LRIG2: variants seen among roughly 807,000 people sequenced by gnomAD.
LRIG2 encodes leucine rich repeats and immunoglobulin like domains 2, also known as leucine-rich repeats and immunoglobulin-like domains protein 2.
A neutral mutation model predicts 107.8 loss-of-function variants in LRIG2; 93 were observed. That is an observed-to-expected ratio of 0.86 (90% CI 0.73 to 1.03). The LOEUF (loss-of-function observed/expected upper bound fraction) is 1.03, where lower values mean the gene tolerates loss of function less well. LRIG2 is among the 50% of genes least tolerant of loss of function. The pLI, the probability that LRIG2 is intolerant of heterozygous loss-of-function variation, is 0.00. For missense variants in LRIG2, 1,226 were observed against 1,296.0 expected (o/e 0.95, Z 0.83); for synonymous variants, 471 against 470.6 (o/e 1.00, Z -0.01).
chr1:113,114,687 C>G lies in LRIG2; in HGVS notation c.2341C>G (p.Leu781Val), dbSNP rs1239169239. The G allele has an allele frequency of 6.2e-7, 1 of 1,613,978 alleles. No homozygotes were observed. The highest frequency in any genetic ancestry group is 1.3e-5 in the African/African-American group (1 of 74,892). ...TLGTERGHIY[L>V]NVISSPNCDS... ...TGGGACAGAACGTGGCCACATTTACCTAAATGTCATTTCATCCCCCAATTG... is the reference window on the plus strand; with the variant it reads ...TGGGACAGAACGTGGCCACATTTACGTAAATGTCATTTCATCCCCCAATTG... Residue 781 changes from leucine (L) to valine (V), a missense_variant, in exon 15 of 18, where the codon CTA (leucine) becomes GTA (valine). Around this residue, in one of 3 missense-constraint regions of LRIG2, gnomAD observed 642 missense variants for 712.2 expected, o/e 0.90. Transcript: ENST00000361127.
chr1:113,108,601 G>A (rs756286450), intron 12 of LRIG2, among the ~76,000 whole-genome samples: 3 of 151,082 alleles, frequency 2.0e-5, no homozygotes, highest in Non-Finnish European at 2.9e-5. Flanking sequence ...TTTAGGCCGG[G>A]CACTGTGGCT....
chr1:113,073,228 C>A lies in LRIG2; in HGVS notation c.-179C>A. 1 of 616,732 alleles carries A rather than the reference C, an allele frequency of 1.6e-6. No individual in the cohort carries two copies. Among genetic ancestry groups the A allele is most frequent in the Non-Finnish European group, 2.9e-6 (1 of 346,626 alleles). The allele number at this position is 616,732 out of a possible 1,614,324, so 38.2% of individuals were successfully genotyped here. ...AGAGGTGTCCGTCAGGCCGTGTGTC[C>A]CAGGCCGTCGACCCCGCTGTCGCGC... On this transcript the variant is annotated 5_prime_UTR_variant, in exon 1 of 18. Coordinates refer to ENST00000361127, the MANE Select transcript of LRIG2 (RefSeq NM_014813.3).
At position 113,073,628 on chromosome 1, in the gene LRIG2, C is replaced by T. The variant is rs1652812895; in HGVS notation, c.222C>T (p.Pro74=). The change falls in exon 1 of 18, where the codon CCC becomes CCT. Residue 74 remains proline, a synonymous_variant. Coordinates refer to ENST00000361127, the MANE Select transcript of LRIG2 (RefSeq NM_014813.3). ...PSWRALSGLL[P]PDTAILDFSH... Reference sequence around the variant, plus strand: ...GGAGGGCGCTGTCGGGCTTGCTGCCCCCCGACACCGCTATCCTGTGAGTAG... The same window carrying T: ...GGAGGGCGCTGTCGGGCTTGCTGCCTCCCGACACCGCTATCCTGTGAGTAG... 1 of 1,612,830 alleles carries T rather than the reference C, an allele frequency of 6.2e-7. No homozygotes were observed. Among genetic ancestry groups the T allele is most frequent in the Non-Finnish European group, 8.5e-7 (1 of 1,179,950 alleles).
Position 113,100,286 on chromosome 1 carries a change from A to G in LRIG2, c.1244+4A>G. 6.3e-7 allele frequency: 1 copy of G among 1,582,820 alleles called. No homozygotes were observed. The highest frequency in any genetic ancestry group is 8.6e-7 in the Non-Finnish European group (1 of 1,157,092). On this transcript the variant is annotated splice_donor_region_variant and intron_variant, in intron 10 of 17. Transcript: ENST00000361127. Reference sequence around the variant, plus strand: ...GTCTTGAATCCCTTGAGCATCTGTAAGTATTTTGCATACATTTTGCTTACT... The same window carrying G: ...GTCTTGAATCCCTTGAGCATCTGTAGGTATTTTGCATACATTTTGCTTACT...
At chr1:113,116,259 T>G (rs755851394) in intron 15 of LRIG2, 28 bp from the exon 16 acceptor site, 1 of 1,591,614 alleles carries the variant, frequency 6.3e-7, no homozygotes, top group Non-Finnish European at 8.6e-7. Flanking sequence ...CTGCCTACCT[T>G]TGAGAGTTAA....
chr1:113,114,940 T>A, intron 15 of LRIG2, 64 bp downstream of exon 15: 3 of 1,328,892 alleles, frequency 2.3e-6, no homozygotes, highest in Non-Finnish European at 3.1e-6. Context: ...ATAGGATTAA[T>A]TGTACAATAT....
In LRIG2 at chr1:113,130,929, C is replaced by G. The variant is rs1382064563; in HGVS notation, c.*6828C>G. ...TATAATGTATTAAAACTCTTTTTTACTCGATTACTTTTATTTTTTTAAGAC... is the reference window on the plus strand; with the variant it reads ...TATAATGTATTAAAACTCTTTTTTAGTCGATTACTTTTATTTTTTTAAGAC... On this transcript the variant is annotated 3_prime_UTR_variant, in exon 18 of 18. Coordinates refer to ENST00000361127, the MANE Select transcript of LRIG2 (RefSeq NM_014813.3). The G allele has an allele frequency of 3.4e-5, 5 of 148,262 alleles. No homozygotes were observed. The Admixed American group carries it at 3.4e-4, about 10-fold the overall frequency. The allele number at this position is 148,262 out of a possible 1,614,324, so 9.2% of individuals were successfully genotyped here.
At chr1:113,095,809 T>G in intron 6 of LRIG2, 65 bp from the exon 7 acceptor site, 1 of 1,564,502 alleles carries the variant, frequency 6.4e-7, no homozygotes, top group Non-Finnish European at 8.8e-7. Context: ...AACTTAAGAT[T>G]TAAAGCTAGT....
intron 1 of LRIG2, among the ~76,000 whole-genome samples, chr1:113,077,599 A>C (rs1218107884): frequency 6.6e-6 from 1 of 152,186 alleles, no homozygotes; most frequent in Non-Finnish European, 1.5e-5. Context: ...TCTTTATAAT[A>C]GTTGTGAACA....
At chr1:113,097,435 AG>A (rs5777147) in intron 8 of LRIG2, among the ~76,000 whole-genome samples, 131,212 of 152,022 alleles carry the variant, frequency 0.86, 59,242 homozygotes, top group Non-Finnish European at 0.98. Context: ...AATTTTGTGA[AG>A]GGTATATACA....
chr1:113,073,520 C>T lies in LRIG2; in HGVS notation c.114C>T (p.Ala38=), dbSNP rs1265417363. ...CCGCTCTCCTCCTGTTGCCCGCCGC[C>T]GGAGCAGGTCTCTGCCCCGCGCCCT... ...AQTALLLLPA[A]GAGLCPAPCS... Residue 38 remains alanine (A), a synonymous_variant, in exon 1 of 18, where the codon GCC becomes GCT. Coordinates refer to ENST00000361127, the MANE Select transcript of LRIG2 (RefSeq NM_014813.3). 3.1e-6 allele frequency: 5 copies of T among 1,614,074 alleles called. No individual in the cohort carries two copies. Among genetic ancestry groups the T allele is most frequent in the South Asian group, 2.2e-5 (2 of 91,092 alleles).
chr1:113,124,063 A>T lies in LRIG2; in HGVS notation c.3160A>T (p.Arg1054Trp), dbSNP rs1483970687. ...ACAGGATCATGCTTTTGATTTTAGTAGGACTCGGAACATTCAAGATGGTAG... is the reference window on the plus strand; with the variant it reads ...ACAGGATCATGCTTTTGATTTTAGTTGGACTCGGAACATTCAAGATGGTAG... ...RLQDHAFDFS[R>W]TRNIQDGSEG... Residue 1054 changes from arginine to tryptophan, a missense_variant, in exon 18 of 18, where the codon AGG becomes TGG. Arg to Trp is a moderately radical substitution (Grantham distance 101). Coordinates refer to ENST00000361127, the MANE Select transcript of LRIG2 (RefSeq NM_014813.3). The T allele has an allele frequency of 6.2e-7, 1 of 1,614,186 alleles. No individual in the cohort carries two copies. The highest frequency in any genetic ancestry group is 1.7e-5 in the Admixed American group (1 of 60,010).
rs1190603541 is a variant in LRIG2 at position 113,125,609 on chromosome 1, AG to A, written c.*1509del. 2.6e-5 allele frequency: 4 copies of A among 152,238 alleles called. No homozygotes were observed. The highest frequency in any genetic ancestry group is 4.8e-5 in the African/African-American group (2 of 41,454). The allele number at this position is 152,238 out of a possible 1,614,324, so 9.4% of individuals were successfully genotyped here. On this transcript the variant is annotated 3_prime_UTR_variant, in exon 18 of 18. Coordinates refer to ENST00000361127, the MANE Select transcript of LRIG2 (RefSeq NM_014813.3). ...GCTGATTTAAAGATTGCAGAACTTG[AG>A]TCAGACTCATAAGCAGTACTGTGAC... is the stretch of plus-strand genomic sequence containing the variant.
At chr1:113,100,916 C>T (rs1271089934) in intron 11 of LRIG2, among the ~76,000 whole-genome samples, 1 of 152,164 alleles carries the variant, frequency 6.6e-6, no homozygotes. Flanking sequence ...GGTTCTCTAA[C>T]CTGTTCAAAC....
chr1:113,098,770 C>A lies in LRIG2; in HGVS notation c.1157C>A (p.Thr386Lys), dbSNP rs1342836599. ...GCTAGTGAAGCCTTTGCTGGACTCA[C>A]AAGTCTCACTAAACTGTATGTATTA... The part of the protein sequence containing the change: ...EDASEAFAGL[T>K]SLTKLILQGN... Residue 386 changes from threonine to lysine, a missense_variant, in exon 9 of 18, where the codon ACA (threonine) becomes AAA (lysine). Coordinates refer to ENST00000361127, the MANE Select transcript of LRIG2 (RefSeq NM_014813.3). The A allele has an allele frequency of 1.2e-6, 2 of 1,605,574 alleles. No homozygotes were observed. The highest frequency in any genetic ancestry group is 8.5e-7 in the Non-Finnish European group (1 of 1,172,374).
intron 1 of LRIG2, among the ~76,000 whole-genome samples, chr1:113,079,082 C>T (rs963708194): frequency 7.1e-4 from 108 of 152,102 alleles, no homozygotes; most frequent in African/African-American, 2.6e-3. Flanking sequence ...CGGTGGCTCA[C>T]GCCTGTAATC....
intron 15 of LRIG2, among the ~76,000 whole-genome samples, chr1:113,115,529 A>AT (rs56081345): frequency 0.047 from 6,667 of 141,526 alleles, 536 homozygotes; most frequent in African/African-American, 0.16. Flanking sequence ...GAATTTGTAA[A>AT]TTTTTTTTTT....
At chr1:113,111,185 G>A (rs559153711) in intron 13 of LRIG2, among the ~76,000 whole-genome samples, 8 of 152,168 alleles carry the variant, frequency 5.3e-5, no homozygotes, top group Non-Finnish European at 1.0e-4. Context: ...ACAGATGTGC[G>A]CCACCAGGCC....
chr1:113,109,512 G>GTT (rs1557913591), intron 12 of LRIG2, among the ~76,000 whole-genome samples: 1 of 152,068 alleles, frequency 6.6e-6, no homozygotes, highest in African/African-American at 2.4e-5. Flanking sequence ...AAGGATAATG[G>GTT]TTATATATAT....
Sources: gnomAD v4.1 joint callset for allele counts (sites outside exome capture counted in the v4.1 genomes callset) on GRCh38, gnomAD v4.1.1 for gene constraint, gnomAD v4.1.1 regional missense constraint, MANE v1.5 for transcripts, NCBI Gene and HGNC (gene_info 2026-07-23, HGNC 2026-07-21) for gene names.